RIMS1: variants seen among roughly 807,000 people sequenced by gnomAD.
RIMS1 encodes regulating synaptic membrane exocytosis 1.
Under a neutral mutation model 214.1 loss-of-function variants are expected in RIMS1, and 83 were observed. The ratio of observed to expected loss-of-function variants is 0.39; its 90% CI spans 0.32 to 0.47. The LOEUF (loss-of-function observed/expected upper bound fraction) is 0.47, where lower values mean the gene tolerates loss of function less well. Among genes scored for constraint, RIMS1 ranks in the 20% least tolerant of loss-of-function variants. The pLI is 0.99. For synonymous variants in RIMS1, 793 were observed against 786.8 expected, an observed-to-expected ratio of 1.01 and a Z score of -0.13; for missense variants, 2,050 against 2,161.8, an observed-to-expected ratio of 0.95 and a Z score of 1.03.
chr6:72,182,609 C>A lies in RIMS1; in HGVS notation c.1138C>A (p.Arg380=). Residue 380 remains arginine, a synonymous_variant, in exon 6 of 34, where the codon CGG becomes AGG. Transcript: ENST00000521978. Reference sequence around the variant, plus strand: ...GGAGCAGCAGATGCGCATGCACGCCCGGGTGTCCCGCGCCAGGCACGAGCG... The same window carrying A: ...GGAGCAGCAGATGCGCATGCACGCCAGGGTGTCCCGCGCCAGGCACGAGCG... ...PEEQQMRMHA[R]VSRARHERRH... is the part of the protein sequence containing the mutation. 2 of 1,547,626 alleles carry A rather than the reference C, an allele frequency of 1.3e-6. No individual in the cohort carries two copies. The highest frequency in any genetic ancestry group is 1.7e-6 in the Non-Finnish European group (2 of 1,146,420).
chr6:72,193,237 A>G (rs1325448838), intron 6 of RIMS1, among the ~76,000 whole-genome samples: 1 of 152,180 alleles, frequency 6.6e-6, no homozygotes, highest in East Asian at 1.9e-4. Context: ...TTGGGAATTT[A>G]TCATTCTGGA....
intron 2 of RIMS1, among the ~76,000 whole-genome samples, chr6:72,007,075 A>G (rs751924658): frequency 1.3e-5 from 2 of 152,184 alleles, no homozygotes; most frequent in African/African-American, 2.4e-5. Flanking sequence ...GGCCCCCCCA[A>G]GTAGGGGCAG....
At chr6:72,108,761 A>G (rs530703125) in intron 4 of RIMS1, among the ~76,000 whole-genome samples, 11 of 151,844 alleles carry the variant, frequency 7.2e-5, no homozygotes, top group African/African-American at 1.7e-4. Flanking sequence ...CAGGTTAGTT[A>G]CATATGTATA....
At chr6:72,387,210 C>G (rs2098627976) in intron 29 of RIMS1, among the ~76,000 whole-genome samples, 1 of 152,086 alleles carries the variant, frequency 6.6e-6, no homozygotes, top group South Asian at 2.1e-4. Flanking sequence ...AACTAACACT[C>G]TAACCTGAAC....
At position 72,182,956 on chromosome 6, in the gene RIMS1, G is replaced by A. The variant is rs771576255; in HGVS notation, c.1485G>A (p.Met495Ile). Reference sequence around the variant, plus strand: ...CCAAGCGCGAGAAGGTGGAGACCATGCTGCGGAACGACTCTTTGAGCTCAG... The same window carrying A: ...CCAAGCGCGAGAAGGTGGAGACCATACTGCGGAACGACTCTTTGAGCTCAG... Reference protein sequence around the residue: ...RKAKREKVETMLRNDSLSSDQ... With the variant: ...RKAKREKVETILRNDSLSSDQ... The change falls in exon 6 of 34, where the codon ATG (methionine) becomes ATA (isoleucine). Residue 495 changes from methionine (M) to isoleucine (I), a missense_variant. Coordinates refer to ENST00000521978, the MANE Select transcript of RIMS1 (RefSeq NM_014989.7). 3.8e-6 allele frequency: 6 copies of A among 1,592,296 alleles called. No homozygotes were observed. The highest frequency in any genetic ancestry group is 5.1e-6 in the Non-Finnish European group (6 of 1,170,598).
At position 71,886,782 on chromosome 6, in the gene RIMS1, C is replaced by A; in HGVS notation, c.-242C>A. On this transcript the variant is annotated 5_prime_UTR_variant, in exon 1 of 34. Coordinates refer to ENST00000521978, the MANE Select transcript of RIMS1 (RefSeq NM_014989.7). ...GAGGCGGCCGGGCGGCCCCGAGCTTCGCTAGGGCGACCAAAACAAAGGCAG... is the reference window on the plus strand; with the variant it reads ...GAGGCGGCCGGGCGGCCCCGAGCTTAGCTAGGGCGACCAAAACAAAGGCAG... 1 of 501,096 alleles carries A rather than the reference C, an allele frequency of 2.0e-6. No homozygotes were observed. Among genetic ancestry groups the A allele is most frequent in the Non-Finnish European group, 3.5e-6 (1 of 285,810 alleles). The allele number at this position is 501,096 out of a possible 1,614,324, so 31.0% of individuals were successfully genotyped here. A position where few individuals can be genotyped will look rare whatever the true frequency, so the allele number is the denominator to read the frequency against.
At chr6:72,122,016 G>T (rs2038451088) in intron 4 of RIMS1, among the ~76,000 whole-genome samples, 2 of 151,734 alleles carry the variant, frequency 1.3e-5, no homozygotes, top group South Asian at 4.2e-4. Flanking sequence ...CTTGATCGTG[G>T]TGGATAAGCT....
At chr6:72,294,975 T>A (rs922003846) in intron 26 of RIMS1, among the ~76,000 whole-genome samples, 19 of 151,760 alleles carry the variant, frequency 1.3e-4, no homozygotes, top group Admixed American at 7.2e-4. Context: ...TGGTTATATT[T>A]CAACACAATA....
chr6:72,009,537 C>G (rs1400483663), intron 2 of RIMS1, among the ~76,000 whole-genome samples: 5 of 150,868 alleles, frequency 3.3e-5, no homozygotes, highest in Admixed American at 1.3e-4. Context: ...AATCCAGGAG[C>G]TGGTTTTTTG....
chr6:72,146,407 T>C (rs1457727673), intron 4 of RIMS1, among the ~76,000 whole-genome samples: 8 of 152,210 alleles, frequency 5.3e-5, no homozygotes, highest in Non-Finnish European at 5.9e-5. Context: ...TGCATTACTC[T>C]ACCATTAAGG....
At chr6:72,331,226 ATGG>A (rs1289992466) in intron 28 of RIMS1, among the ~76,000 whole-genome samples, 1 of 151,788 alleles carries the variant, frequency 6.6e-6, no homozygotes, top group Non-Finnish European at 1.5e-5. Flanking sequence ...GAATTTCACA[ATGG>A]TGTTTTTTTG....
Position 72,401,689 on chromosome 6 carries a change from A to G in RIMS1, c.*975A>G, listed in dbSNP as rs1338782307. 1 of 152,660 alleles carries G rather than the reference A, an allele frequency of 6.6e-6. No individual in the cohort carries two copies. Among genetic ancestry groups the G allele is most frequent in the Non-Finnish European group, 1.5e-5 (1 of 68,030 alleles). 9.5% of individuals were successfully genotyped at this position (152,660 alleles called of 1,614,324 possible). On this transcript the variant is annotated 3_prime_UTR_variant, in exon 34 of 34. Transcript: ENST00000521978. ...TAAACCATACTTTGACTTCCCAAAAATGGTGACTAGGAATGGATTTGAGCC... is the reference window on the plus strand; with the variant it reads ...TAAACCATACTTTGACTTCCCAAAAGTGGTGACTAGGAATGGATTTGAGCC...
rs147840462 is a variant in RIMS1 at position 71,924,902 on chromosome 6, G to A, written c.164+37715G>A. 2.8e-4 allele frequency among the ~76,000 whole-genome samples: 42 copies of A among 150,622 alleles called. No homozygotes were observed. In the South Asian group the frequency reaches 3.8e-3, roughly 14 times the overall value. The stretch of plus-strand genomic sequence containing the variant: ...GCCTTCACCAACAGCATGCTACTTC[G>A]AATATTAAGATGTTACATTTCTTCC... On this transcript the variant is annotated intron_variant, in intron 1 of 33. Transcript: ENST00000521978.
At chr6:71,915,031 T>G (rs1006001944) in intron 1 of RIMS1, among the ~76,000 whole-genome samples, 2 of 152,128 alleles carry the variant, frequency 1.3e-5, no homozygotes, top group African/African-American at 4.8e-5. Flanking sequence ...TAATTCTATT[T>G]GAGGAGCTTG....
intron 14 of RIMS1, 31 bp downstream of exon 14, chr6:72,251,123 T>G (rs778283727): frequency 6.4e-7 from 1 of 1,560,238 alleles, no homozygotes; most frequent in East Asian, 2.4e-5. Flanking sequence ...TCAAGTCAAA[T>G]AGTTAATAAA....
chr6:71,911,058 C>A (rs1213425522), intron 1 of RIMS1, among the ~76,000 whole-genome samples: 1 of 152,148 alleles, frequency 6.6e-6, no homozygotes, highest in African/African-American at 2.4e-5. Flanking sequence ...GAAGGTGCCA[C>A]TTGAGTATTG....
chr6:72,015,882 C>T (rs145566860), intron 2 of RIMS1, among the ~76,000 whole-genome samples: 1,889 of 152,196 alleles, frequency 0.012, 45 homozygotes, highest in African/African-American at 0.041. Context: ...GCCGAGATCG[C>T]GCCATTGTAC....
intron 4 of RIMS1, among the ~76,000 whole-genome samples, chr6:72,121,859 T>A (rs2038405114): frequency 1.3e-5 from 2 of 151,960 alleles, no homozygotes; most frequent in South Asian, 2.1e-4. Flanking sequence ...GCTTTTAGGA[T>A]AAAGGGCTGT....
At chr6:71,977,310 T>C (rs1257212810) in intron 2 of RIMS1, among the ~76,000 whole-genome samples, 2 of 152,090 alleles carry the variant, frequency 1.3e-5, no homozygotes, top group Admixed American at 6.6e-5. Context: ...GGAAGAGAAA[T>C]GAATTTCTTC....
Sources: gnomAD v4.1 joint callset for allele counts (sites outside exome capture counted in the v4.1 genomes callset) on GRCh38, gnomAD v4.1.1 for gene constraint, MANE v1.5 for transcripts, NCBI Gene and HGNC (gene_info 2026-07-23, HGNC 2026-07-21) for gene names.